DOCK7: variants seen among roughly 807,000 people sequenced by gnomAD.
DOCK7 encodes the protein dedicator of cytokinesis protein 7.
DOCK7 carries 138 observed loss-of-function variants against 271.0 expected under a neutral mutation model. That is an observed-to-expected ratio of 0.51 (90% CI 0.44 to 0.59). DOCK7 has a LOEUF of 0.59. DOCK7 is among the 20% of genes least tolerant of loss of function. DOCK7 has a pLI of 0.00. For missense variants in DOCK7, 2,066 were observed against 2,592.4 expected, an observed-to-expected ratio of 0.80 and a Z score of 4.41; for synonymous variants, 823 against 876.1, an observed-to-expected ratio of 0.94 and a Z score of 1.07.
chr1:62,535,714 TA>T, intron 28 of DOCK7, 82 bp from the exon 29 acceptor site: 1 of 1,364,492 alleles, frequency 7.3e-7, no homozygotes, highest in Non-Finnish European at 9.8e-7. Context: ...AGAAATGAAA[TA>T]CTTTTTCCCA....
intron 1 of DOCK7, among the ~76,000 whole-genome samples, chr1:62,675,413 C>T (rs1571985389): frequency 2.0e-5 from 3 of 152,000 alleles, no homozygotes; most frequent in Admixed American, 6.6e-5. Flanking sequence ...ATCAATCAAT[C>T]GATACAAATG....
chr1:62,603,709 T>G (rs1444675477), intron 14 of DOCK7, among the ~76,000 whole-genome samples: 1 of 151,872 alleles, frequency 6.6e-6, no homozygotes, highest in Non-Finnish European at 1.5e-5. Flanking sequence ...CACATTTCAC[T>G]GGTGAAACAT....
chr1:62,666,860 A>G (rs1183265), intron 1 of DOCK7, among the ~76,000 whole-genome samples: 3 of 152,154 alleles, frequency 2.0e-5, no homozygotes, highest in South Asian at 2.1e-4. Flanking sequence ...TATGAAAAAA[A>G]CTTCTATCCC....
chr1:62,599,880 T>C (rs1450259551), intron 14 of DOCK7, among the ~76,000 whole-genome samples: 2 of 151,982 alleles, frequency 1.3e-5, no homozygotes, highest in Non-Finnish European at 2.9e-5. Context: ...TATTCTAATA[T>C]GCAGTACAAT....
chr1:62,515,241 C>A (rs1238146435), intron 31 of DOCK7, among the ~76,000 whole-genome samples: 1 of 152,046 alleles, frequency 6.6e-6, no homozygotes, highest in African/African-American at 2.4e-5. Context: ...GCTCCAAGCT[C>A]ATATCCACTT....
At chr1:62,572,925 T>A (rs1045958475) in intron 18 of DOCK7, among the ~76,000 whole-genome samples, 1 of 152,142 alleles carries the variant, frequency 6.6e-6, no homozygotes, top group African/African-American at 2.4e-5. Context: ...TATAGATTTT[T>A]AAAAAAATAA....
chr1:62,485,789 T>A, intron 43 of DOCK7: 1 of 764,252 alleles, frequency 1.3e-6, no homozygotes, highest in Non-Finnish European at 1.6e-6. Context: ...ACACATTTTT[T>A]AAATGCAGGC....
chr1:62,620,551 A>G (rs1164968321), intron 12 of DOCK7, among the ~76,000 whole-genome samples: 2 of 151,976 alleles, frequency 1.3e-5, no homozygotes, highest in African/African-American at 2.4e-5. Flanking sequence ...CTATGCCTAT[A>G]AAGTATTACA....
chr1:62,670,298 C>T (rs1269859190), intron 1 of DOCK7, among the ~76,000 whole-genome samples: 1 of 152,266 alleles, frequency 6.6e-6, no homozygotes, highest in Admixed American at 6.5e-5. Context: ...GACTGGCAGG[C>T]AGCTCCACCT....
chr1:62,517,754 T>G (rs1338834398), intron 31 of DOCK7, among the ~76,000 whole-genome samples: 2 of 152,184 alleles, frequency 1.3e-5, no homozygotes, highest in Non-Finnish European at 2.9e-5. Context: ...TCTTCATTGC[T>G]AGAAGGAATA....
At chr1:62,683,300 G>T (rs1661374214) in intron 1 of DOCK7, among the ~76,000 whole-genome samples, 1 of 152,168 alleles carries the variant, frequency 6.6e-6, no homozygotes, top group Non-Finnish European at 1.5e-5. Context: ...AGGCAGCACG[G>T]AAGTAGTTGG....
At chr1:62,667,835 T>C (rs1659493941) in intron 1 of DOCK7, among the ~76,000 whole-genome samples, 1 of 151,938 alleles carries the variant, frequency 6.6e-6, no homozygotes, top group Non-Finnish European at 1.5e-5. Flanking sequence ...CTGGCCAACA[T>C]GGTGAAACCC....
At chr1:62,517,851 G>A (rs1644711690) in intron 31 of DOCK7, among the ~76,000 whole-genome samples, 1 of 152,108 alleles carries the variant, frequency 6.6e-6, no homozygotes, top group East Asian at 1.9e-4. Flanking sequence ...GCCACTCTTA[G>A]GTATATACCT....
rs576240165 is a variant in DOCK7 at position 62,580,957 on chromosome 1, T to C, written c.1872-1991A>G. The stretch of plus-strand genomic sequence containing the variant: ...CTTTATTGGAACACAGCTACACCCA[T>C]TTACTTGTAACATGACTTACTGCCT... On this transcript the variant is annotated intron_variant, in intron 16 of 49. Coordinates refer to ENST00000635253, the MANE Select transcript of DOCK7 (RefSeq NM_001367561.1). Among the ~76,000 whole-genome samples the C allele has an allele frequency of 8.5e-5, 13 of 152,306 alleles. 1 individual carries two copies. In the South Asian group the frequency reaches 2.7e-3, roughly 32 times the overall value.
intron 48 of DOCK7, among the ~76,000 whole-genome samples, chr1:62,470,513 C>T (rs1412057576): frequency 2.6e-5 from 4 of 151,926 alleles, no homozygotes; most frequent in Non-Finnish European, 5.9e-5. Context: ...ATGGGTGCAC[C>T]AAAATCTCAC....
At chr1:62,605,217 C>T (rs902232228) in intron 14 of DOCK7, 7 of 188,480 alleles carry the variant, frequency 3.7e-5, no homozygotes, top group Non-Finnish European at 6.6e-5. Flanking sequence ...AAACTCTAAA[C>T]TTGACTAAAT....
At chr1:62,688,036 G>A (rs963961071) in intron 1 of DOCK7, among the ~76,000 whole-genome samples, 191 bp downstream of exon 1, 3 of 151,840 alleles carry the variant, frequency 2.0e-5, no homozygotes, top group African/African-American at 7.2e-5. Flanking sequence ...TGAAGGCCGG[G>A]GTTCGAGGGC....
At chr1:62,484,181 T>C (rs1434839559) in intron 43 of DOCK7, 3 of 152,108 alleles carry the variant, frequency 2.0e-5, no homozygotes, top group South Asian at 2.1e-4. Flanking sequence ...CTCACATTCA[T>C]GTCCATTCAG....
intron 41 of DOCK7, 99 bp downstream of exon 41, chr1:62,492,605 A>G (rs1646498683): frequency 4.1e-6 from 6 of 1,473,878 alleles, no homozygotes; most frequent in South Asian, 1.2e-5. Flanking sequence ...AATTATCTTT[A>G]AAGAAAAGTA....
Sources: allele counts gnomAD v4.1 joint callset (sites outside exome capture counted in the v4.1 genomes callset), GRCh38; gene constraint gnomAD v4.1.1; transcripts MANE v1.5; gene names NCBI Gene and HGNC (gene_info 2026-07-23, HGNC 2026-07-21).